The following ZNF165 variants were observed in gnomAD, a reference collection of about 807,000 sequenced individuals.
ZNF165 encodes cancer/testis antigen 53.
In ZNF165, 14 loss-of-function variants were observed where a neutral mutation model predicts 19.6. That is an observed-to-expected ratio of 0.71 (90% CI 0.47 to 1.12). ZNF165 has a LOEUF of 1.12. Among genes scored for constraint, ZNF165 ranks in the 50% most tolerant of loss-of-function variants. The pLI is 0.00. For synonymous variants in ZNF165, 165 were observed against 195.0 expected, an observed-to-expected ratio of 0.85 and a Z score of 1.28; for missense variants, 504 against 566.3, an observed-to-expected ratio of 0.89 and a Z score of 1.12.
chr6:28,085,196 T>C (rs754597368), intron 1 of ZNF165, among the ~76,000 whole-genome samples: 5 of 152,224 alleles, frequency 3.3e-5, no homozygotes, highest in Non-Finnish European at 7.3e-5. Flanking sequence ...ATATTTAGCA[T>C]TACATTTAAG....
chr6:28,089,388 G>A lies in ZNF165; in HGVS notation c.1376G>A (p.Ser459Asn). Residue 459 changes from serine to asparagine, a missense_variant, in exon 4 of 4, where the codon AGT becomes AAT. Coordinates refer to ENST00000683778, the MANE Select transcript of ZNF165 (RefSeq NM_001376491.1). The stretch of plus-strand genomic sequence containing the variant: ...ACTGGAGAAAAACCCTATGAATGCA[G>A]TGAGTGTGGAAGAGCCTTCAGTCAG... ...IHTGEKPYEC[S>N]ECGRAFSQSS... The A allele has an allele frequency of 6.2e-7, 1 of 1,614,220 alleles. No homozygotes were observed.
intron 3 of ZNF165, among the ~76,000 whole-genome samples, chr6:28,086,981 T>C (rs1483958212): frequency 6.6e-6 from 1 of 152,170 alleles, no homozygotes; most frequent in Admixed American, 6.5e-5. Flanking sequence ...TACATGATGA[T>C]ATACTGAGAA....
chr6:28,088,767 A>T lies in ZNF165; in HGVS notation c.755A>T (p.Asp252Val). Reference sequence around the variant, plus strand: ...TCTCAGAGACTCTCGTCTGCCCAGGATGAAGGTTTTGGTAAAATCCTCACC... The same window carrying T: ...TCTCAGAGACTCTCGTCTGCCCAGGTTGAAGGTTTTGGTAAAATCCTCACC... ...GESQRLSSAQ[D>V]EGFGKILTHK... Residue 252 changes from aspartate to valine, a missense_variant, in exon 4 of 4, where the codon GAT (aspartate) becomes GTT (valine). By Grantham distance (152) the Asp-to-Val change is radical (BLOSUM62 -3). Coordinates refer to ENST00000683778, the MANE Select transcript of ZNF165 (RefSeq NM_001376491.1). 6.2e-7 allele frequency: 1 copy of T among 1,614,176 alleles called. No homozygotes were observed.
chr6:28,085,381 C>A, intron 1 of ZNF165, 100 bp from the exon 2 acceptor site: 1 of 1,248,808 alleles, frequency 8.0e-7, no homozygotes. Flanking sequence ...GGTCTTTCAT[C>A]TTCTTAGACA....
chr6:28,085,350 G>T, intron 1 of ZNF165, 131 bp from the exon 2 acceptor site: 1 of 953,420 alleles, frequency 1.0e-6, no homozygotes, highest in East Asian at 2.6e-5. Flanking sequence ...GTGTAATGGA[G>T]AATGACGATT....
In ZNF165 at chr6:28,089,051, A is replaced by T. The variant is rs36112794; in HGVS notation, c.1039A>T (p.Asn347Tyr). ...VFSGDKTHQC[N>Y]ECGKAFRHSS... ...CAGTGGAGATAAAACTCATCAGTGT[A>T]ATGAATGTGGGAAAGCTTTCAGGCA... Residue 347 changes from asparagine to tyrosine, a missense_variant, in exon 4 of 4, where the codon AAT becomes TAT. Asn to Tyr is a moderately radical substitution (Grantham distance 143). Coordinates refer to ENST00000683778, the MANE Select transcript of ZNF165 (RefSeq NM_001376491.1). The T allele has an allele frequency of 5.4e-4, 879 of 1,614,224 alleles. 4 individuals are homozygous for T. In the African/African-American group the frequency reaches 9.7e-3, roughly 18 times the overall value.
intron 3 of ZNF165, among the ~76,000 whole-genome samples, chr6:28,087,469 C>T (rs1764303821): frequency 6.6e-6 from 1 of 152,214 alleles, no homozygotes; most frequent in Non-Finnish European, 1.5e-5. Flanking sequence ...TGGTCTCAAA[C>T]TCCTGACTTC....
chr6:28,083,489 C>T (rs991935853), intron 1 of ZNF165, among the ~76,000 whole-genome samples: 4 of 152,148 alleles, frequency 2.6e-5, no homozygotes. Context: ...TGTAACCGTC[C>T]TTCCCACTGA....
At position 28,089,203 on chromosome 6, in the gene ZNF165, A is replaced by G. The variant is rs11558337; in HGVS notation, c.1191A>G (p.Glu397=). 7 of 1,614,120 alleles carry G rather than the reference A, an allele frequency of 4.3e-6. No homozygotes were observed. In the African/African-American group the frequency reaches 9.3e-5, roughly 22 times the overall value. The part of the protein sequence containing the change: ...LTRHRRIHTG[E]RPFGCKECGR... ...GACATCGGCGAATTCACACTGGGGA[A>G]AGACCCTTTGGTTGCAAAGAATGTG... The change falls in exon 4 of 4, where the codon GAA becomes GAG. Residue 397 remains glutamate, a synonymous_variant. Coordinates refer to ENST00000683778, the MANE Select transcript of ZNF165 (RefSeq NM_001376491.1).
chr6:28,086,809 A>G (rs1275125722), intron 3 of ZNF165, among the ~76,000 whole-genome samples: 1 of 152,232 alleles, frequency 6.6e-6, no homozygotes, highest in Non-Finnish European at 1.5e-5. Context: ...AATATTTCCA[A>G]AACACAGAAC....
At chr6:28,082,093 G>A (rs988647779) in intron 1 of ZNF165, among the ~76,000 whole-genome samples, 1 of 152,076 alleles carries the variant, frequency 6.6e-6, no homozygotes, top group African/African-American at 2.4e-5. Flanking sequence ...CAAAGAAATG[G>A]CCCAGTAAAA....
At chr6:28,086,052 A>G in intron 2 of ZNF165, 120 bp from the exon 3 acceptor site, 2 of 1,506,058 alleles carry the variant, frequency 1.3e-6, no homozygotes, top group East Asian at 2.3e-5. Flanking sequence ...TTTTACAATT[A>G]AATCAGACTC....
chr6:28,085,494 C>T lies in ZNF165; in HGVS notation c.14C>T (p.Pro5Leu). The change falls in exon 2 of 4, where the codon CCA becomes CTA. Residue 5 changes from proline to leucine, a missense_variant. Physicochemically the swap from Pro to Leu is moderately conservative, Grantham distance 98. Transcript: ENST00000683778. MATE[P>L]KKAAAQNSPE... is the part of the protein sequence containing the mutation. ...TTCTATCCACAGATGGCTACAGAAC[C>T]AAAGAAAGCTGCAGCCCAGAACTCT... is the stretch of plus-strand genomic sequence containing the variant. The T allele has an allele frequency of 6.2e-7, 1 of 1,611,338 alleles. No individual in the cohort carries two copies. The highest frequency in any genetic ancestry group is 8.5e-7 in the Non-Finnish European group (1 of 1,179,462).
At chr6:28,084,467 G>A (rs1057502904) in intron 1 of ZNF165, among the ~76,000 whole-genome samples, 5 of 152,102 alleles carry the variant, frequency 3.3e-5, no homozygotes, top group Admixed American at 6.6e-5. Context: ...AGACCAGCTT[G>A]GCCAACATGG....
At chr6:28,080,309 G>T (rs1293327313), upstream of ZNF165, among the ~76,000 whole-genome samples, 1 of 152,166 alleles carries the variant, frequency 6.6e-6, no homozygotes, top group Non-Finnish European at 1.5e-5. Flanking sequence ...TGCTCCATCC[G>T]TGAGACGCAC....
intron 2 of ZNF165, 28 bp downstream of exon 2, chr6:28,085,919 C>T (rs10946951): frequency 6.3e-7 from 1 of 1,596,330 alleles, no homozygotes; most frequent in African/African-American, 1.3e-5. Flanking sequence ...GATCTAAGAC[C>T]TCCATAATGG....
At chr6:28,083,887 C>T (rs1478957441) in intron 1 of ZNF165, among the ~76,000 whole-genome samples, 2 of 152,252 alleles carry the variant, frequency 1.3e-5, no homozygotes, top group African/African-American at 4.8e-5. Flanking sequence ...TATACTTCAA[C>T]ATTCAACATT....
rs143050119 is a variant in ZNF165, at chr6:28,085,661, C to T, written c.181C>T (p.Pro61Ser). The T allele has an allele frequency of 1.3e-4, 214 of 1,614,190 alleles. 1 individual carries two copies. In the South Asian group the frequency reaches 1.5e-3, roughly 12 times the overall value. ...TAGGCAGTTCTGCTACCAGGATTCT[C>T]CTGGACCTCGCGAGGCACTGAGCCG... ...LFRQFCYQDS[P>S]GPREALSRLR... is the part of the protein sequence containing the mutation. The change falls in exon 2 of 4, where the codon CCT (proline) becomes TCT (serine). Residue 61 changes from proline to serine, a missense_variant. Pro to Ser is a moderately conservative substitution (Grantham distance 74). Coordinates refer to ENST00000683778, the MANE Select transcript of ZNF165 (RefSeq NM_001376491.1).
rs749831286 is a variant in ZNF165 at position 28,088,609 on chromosome 6, T to G, written c.597T>G (p.Phe199Leu). The change falls in exon 4 of 4, where the codon TTT becomes TTG. Residue 199 changes from phenylalanine (F) to leucine (L), a missense_variant. Transcript: ENST00000683778. ...GATCCATGCCAAAGCTGGAAATTTTTGAAAAAATTGAATCACAGAGAATTA... is the reference window on the plus strand; with the variant it reads ...GATCCATGCCAAAGCTGGAAATTTTGGAAAAAATTGAATCACAGAGAATTA... ...NSRSMPKLEI[F>L]EKIESQRIIS... is the part of the protein sequence containing the mutation. 3.7e-6 allele frequency: 6 copies of G among 1,610,860 alleles called. No homozygotes were observed. In the East Asian group the frequency reaches 8.9e-5, roughly 24 times the overall value.
Sources: gnomAD v4.1 joint callset for allele counts (sites outside exome capture counted in the v4.1 genomes callset) on GRCh38, gnomAD v4.1.1 for gene constraint, MANE v1.5 for transcripts, NCBI Gene and HGNC (gene_info 2026-07-23, HGNC 2026-07-21) for gene names.